The following PRR16 variants were observed in gnomAD, a reference collection of about 807,000 sequenced individuals.
PRR16 encodes proline rich 16.
PRR16 carries 6 observed loss-of-function variants against 18.2 expected under a neutral mutation model. The observed-to-expected ratio is 0.33, with a 90% CI of 0.18 to 0.65. The LOEUF is 0.65. Among genes scored for constraint, PRR16 ranks in the 30% least tolerant of loss-of-function variants. PRR16 has a pLI of 0.74. For missense variants in PRR16, 412 were observed against 376.6 expected (o/e 1.09, Z -0.78); for synonymous variants, 151 against 147.8 (o/e 1.02, Z -0.16).
chr5:120,682,070 C>T (rs1183420868), intron 1 of PRR16, among the ~76,000 whole-genome samples: 1 of 152,194 alleles, frequency 6.6e-6, no homozygotes, highest in Non-Finnish European at 1.5e-5. Context: ...ATCATATCAT[C>T]TCAAAGGCTC....
intron 1 of PRR16, among the ~76,000 whole-genome samples, chr5:120,586,844 G>A (rs559925718): frequency 6.6e-6 from 1 of 152,262 alleles, no homozygotes; most frequent in Non-Finnish European, 1.5e-5. Flanking sequence ...TCCTTTCAGT[G>A]AAAAGCTGGA....
chr5:120,658,537 C>G (rs1319643638), intron 1 of PRR16, among the ~76,000 whole-genome samples: 1 of 151,900 alleles, frequency 6.6e-6, no homozygotes, highest in Non-Finnish European at 1.5e-5. Context: ...TCTCTGTATT[C>G]AAGTCTAAAA....
chr5:120,588,146 G>T lies in PRR16; in HGVS notation c.160-97808G>T, dbSNP rs141951594. On this transcript the variant is annotated intron_variant, in intron 1 of 1. Coordinates refer to ENST00000407149, the MANE Select transcript of PRR16 (RefSeq NM_001300783.2). ...TATGATAAAAATTTAATGGATGAGA[G>T]ATTTCTTTTTATGTATGAGCAAACA... 3.3e-4 allele frequency among the ~76,000 whole-genome samples: 50 copies of T among 152,156 alleles called. No individual in the cohort carries two copies. The East Asian group carries it at 8.7e-3, about 26-fold the overall frequency.
the PRR16 span, among the ~76,000 whole-genome samples, chr5:120,705,815 T>C: frequency 2.0e-5 from 3 of 152,144 alleles, no homozygotes; most frequent in African/African-American, 7.2e-5. Flanking sequence ...TGTCAGTTAA[T>C]AAACTTGAAC....
intron 1 of PRR16, among the ~76,000 whole-genome samples, chr5:120,680,504 T>TATCCTTGTGTATTTCCAACCCTGTGAAC (rs1756936770): frequency 6.6e-6 from 1 of 152,180 alleles, no homozygotes. Flanking sequence ...CTGCAAGGAA[T>TATCCTTGTGTATTTCCAACCCTGTGAAC]ATCCTTGTGT....
chr5:120,721,977 A>T, the PRR16 span, among the ~76,000 whole-genome samples: 1 of 152,014 alleles, frequency 6.6e-6, no homozygotes, highest in Non-Finnish European at 1.5e-5. Context: ...GCACCCATTA[A>T]GCTGTCATCT....
intron 1 of PRR16, among the ~76,000 whole-genome samples, chr5:120,597,761 T>A (rs1382301301): frequency 6.6e-6 from 1 of 151,920 alleles, no homozygotes; most frequent in Admixed American, 6.6e-5. Context: ...GGCTCAGTTA[T>A]CTTTCTACTT....
chr5:120,648,693 T>G, intron 1 of PRR16, among the ~76,000 whole-genome samples: 1 of 152,096 alleles, frequency 6.6e-6, no homozygotes, highest in East Asian at 1.9e-4. Context: ...AGAGAGAGAA[T>G]TGATGGGAGG....
At chr5:120,704,853 C>T in the PRR16 span, among the ~76,000 whole-genome samples, 257 of 152,212 alleles carry the variant, frequency 1.7e-3, no homozygotes, top group Non-Finnish European at 2.6e-3. Context: ...AGCCTATTTA[C>T]GCATTTTTTC....
chr5:120,635,043 A>G (rs1323900271), intron 1 of PRR16, among the ~76,000 whole-genome samples: 1 of 152,186 alleles, frequency 6.6e-6, no homozygotes, highest in African/African-American at 2.4e-5. Context: ...CTGAAAATAT[A>G]CAACCCTCCT....
chr5:120,526,655 G>A (rs1476485730), intron 1 of PRR16, among the ~76,000 whole-genome samples: 1 of 152,194 alleles, frequency 6.6e-6, no homozygotes, highest in Non-Finnish European at 1.5e-5. Flanking sequence ...TTGTCTGGAA[G>A]TGCAATAGTT....
chr5:120,787,786 T>C, the PRR16 span, among the ~76,000 whole-genome samples: 1 of 152,084 alleles, frequency 6.6e-6, no homozygotes, highest in Non-Finnish European at 1.5e-5. Context: ...TCCTCCTCCG[T>C]TGTACTTTCC....
At chr5:120,541,650 A>G (rs1362179757) in intron 1 of PRR16, among the ~76,000 whole-genome samples, 1 of 152,204 alleles carries the variant, frequency 6.6e-6, no homozygotes, top group Non-Finnish European at 1.5e-5. Context: ...GCATTTAAAA[A>G]TATATCTGTT....
At chr5:120,585,435 C>T (rs1326611338) in intron 1 of PRR16, among the ~76,000 whole-genome samples, 2 of 151,966 alleles carry the variant, frequency 1.3e-5, no homozygotes, top group Non-Finnish European at 2.9e-5. Context: ...CATGGTGAAA[C>T]CCCGCTTCTA....
intron 1 of PRR16, among the ~76,000 whole-genome samples, chr5:120,683,043 A>T (rs894532694): frequency 4.6e-5 from 7 of 152,194 alleles, no homozygotes; most frequent in Non-Finnish European, 8.8e-5. Flanking sequence ...TTGTGCAAAC[A>T]TTCTGTGGCA....
At chr5:120,780,207 G>C in the PRR16 span, among the ~76,000 whole-genome samples, 2 of 152,124 alleles carry the variant, frequency 1.3e-5, no homozygotes, top group Non-Finnish European at 2.9e-5. Context: ...ACCAGGCACT[G>C]TATTTAGAGT....
At chr5:120,641,322 C>T (rs1755415846) in intron 1 of PRR16, among the ~76,000 whole-genome samples, 1 of 152,032 alleles carries the variant, frequency 6.6e-6, no homozygotes, top group African/African-American at 2.4e-5. Flanking sequence ...TAACTGAGGA[C>T]ATTAATGAGG....
the PRR16 span, among the ~76,000 whole-genome samples, chr5:120,703,466 T>C: frequency 1.8e-3 from 275 of 152,328 alleles, 3 homozygotes; most frequent in African/African-American, 5.7e-3. Flanking sequence ...TTGTTTCATT[T>C]CCTGGGGAGT....
At chr5:120,713,337 T>G in the PRR16 span, among the ~76,000 whole-genome samples, 1 of 152,176 alleles carries the variant, frequency 6.6e-6, no homozygotes, top group Non-Finnish European at 1.5e-5. Context: ...CTGTACATAT[T>G]CAAGGCTCTT....
Sources: gnomAD v4.1 joint callset for allele counts (sites outside exome capture counted in the v4.1 genomes callset) on GRCh38, gnomAD v4.1.1 for gene constraint, MANE v1.5 for transcripts, NCBI Gene and HGNC (gene_info 2026-07-23, HGNC 2026-07-21) for gene names.